The following ADGRL2 variants were observed in gnomAD, a reference collection of about 807,000 sequenced individuals.
ADGRL2 encodes the protein adhesion G protein-coupled receptor L2.
ADGRL2 carries 44 observed loss-of-function variants against 157.4 expected under a neutral mutation model. The ratio of observed to expected loss-of-function variants is 0.28; its 90% confidence interval spans 0.22 to 0.36. ADGRL2 has a LOEUF of 0.36. Ranked by LOEUF, ADGRL2 falls within the 10% of genes least tolerant of loss-of-function variation. The pLI is 1.00. For missense variants in ADGRL2, 1,510 were observed against 1,768.9 expected (o/e 0.85, Z 2.63); for synonymous variants, 585 against 624.7 (o/e 0.94, Z 0.95).
intron 3 of ADGRL2, chr1:81,580,990 C>T (rs2080895585): frequency 1.3e-5 from 2 of 152,152 alleles, no homozygotes; most frequent in African/African-American, 2.4e-5. Flanking sequence ...TGTGAGTGAA[C>T]ATTCCTTCCA....
At chr1:81,911,214 G>A (rs1172604833) in intron 3 of ADGRL2, among the ~76,000 whole-genome samples, 2 of 152,002 alleles carry the variant, frequency 1.3e-5, no homozygotes, top group Admixed American at 6.6e-5. Context: ...TATTCTGAGA[G>A]GCTCATCCTA....
Position 81,950,208 on chromosome 1 carries a change from A to G in ADGRL2, c.1230A>G (p.Thr410=). The change falls in exon 7 of 24, where the codon ACA becomes ACG. Residue 410 remains threonine, a synonymous_variant. Transcript: ENST00000686636. ...DPAQVPTTAV[T]ITSSAELFKT... ...CCATAGTGCCTACCACAGCTGTGAC[A>G]ATAACTTCTTCAGCTGAGCTGTTCA... 5.6e-6 allele frequency: 9 copies of G among 1,613,928 alleles called. No individual in the cohort carries two copies. The highest frequency in any genetic ancestry group is 7.6e-6 in the Non-Finnish European group (9 of 1,179,866).
chr1:81,460,315 A>G (rs371069177), intron 2 of ADGRL2, among the ~76,000 whole-genome samples: 1 of 151,912 alleles, frequency 6.6e-6, no homozygotes, highest in Admixed American at 6.6e-5. Flanking sequence ...TGATATCTCC[A>G]GAATATTATT....
chr1:81,508,021 T>C (rs2079009983), intron 2 of ADGRL2, among the ~76,000 whole-genome samples: 1 of 152,252 alleles, frequency 6.6e-6, no homozygotes, highest in Non-Finnish European at 1.5e-5. Context: ...GCCTTTTATT[T>C]GCTATTTAAC....
At chr1:81,932,508 G>GT (rs2095247702) in intron 3 of ADGRL2, among the ~76,000 whole-genome samples, 1 of 152,100 alleles carries the variant, frequency 6.6e-6, no homozygotes, top group African/African-American at 2.4e-5. Context: ...GCAAAATCAT[G>GT]TTTTGCCATT....
At position 81,842,375 on chromosome 1, in the gene ADGRL2, T is replaced by TC. The variant is rs1380656471; in HGVS notation, c.73+5318_73+5319insC. On this transcript the variant is annotated intron_variant, in intron 2 of 23. Coordinates refer to ENST00000686636, the MANE Select transcript of ADGRL2 (RefSeq NM_001366006.2). ...GCGCTTTTTTTTTTTTTTTTTTTTT[T>TC]AAGATGGAGTCTCACTCTGTCTCCC... is the stretch of plus-strand genomic sequence containing the variant. 2.2e-5 allele frequency among the ~76,000 whole-genome samples: 3 copies of TC among 139,332 alleles called. No individual in the cohort carries two copies. The South Asian group carries it at 6.8e-4, about 32-fold the overall frequency. 91.4% of individuals were successfully genotyped at this position (139,332 alleles called of 152,430 possible).
intron 1 of ADGRL2, among the ~76,000 whole-genome samples, chr1:81,354,118 G>A (rs1033397545): frequency 6.6e-6 from 1 of 152,136 alleles, no homozygotes; most frequent in African/African-American, 2.4e-5. Context: ...AGCAGACTTG[G>A]AGTCTAATTT....
At chr1:81,369,100 A>G (rs2076117447) in intron 1 of ADGRL2, among the ~76,000 whole-genome samples, 1 of 148,168 alleles carries the variant, frequency 6.7e-6, no homozygotes, top group African/African-American at 2.4e-5. Context: ...ATAATAAGAG[A>G]AAATAAATGT....
chr1:81,774,629 A>G (rs1354864498), intron 2 of ADGRL2, among the ~76,000 whole-genome samples: 1 of 152,116 alleles, frequency 6.6e-6, no homozygotes, highest in Non-Finnish European at 1.5e-5. Context: ...TCTTTTTATT[A>G]ATAATCATGT....
In ADGRL2 at chr1:81,991,003, T is replaced by C. The variant is rs1403746832; in HGVS notation, c.4268T>C (p.Leu1423Pro). Residue 1423 changes from leucine to proline, a missense_variant, in exon 24 of 24, where the codon CTT (leucine) becomes CCT (proline). Physicochemically the swap from Leu to Pro is moderately conservative, Grantham distance 98. Coordinates refer to ENST00000686636, the MANE Select transcript of ADGRL2 (RefSeq NM_001366006.2). The part of the protein sequence containing the change: ...EDIYYKSMPN[L>P]GAGHQLQMCY... ...ATTTACTATAAAAGCATGCCAAATC[T>C]TGGAGCTGGCCATCAGCTTCAGATG... The C allele has an allele frequency of 7.4e-6, 12 of 1,613,890 alleles. No homozygotes were observed. Among genetic ancestry groups the C allele is most frequent in the African/African-American group, 1.3e-5 (1 of 74,892 alleles).
At chr1:81,448,112 CTTTTCTTTTTCT>C (rs1185753884) in intron 2 of ADGRL2, among the ~76,000 whole-genome samples, 2 of 141,516 alleles carry the variant, frequency 1.4e-5, no homozygotes, top group Non-Finnish European at 3.1e-5. Flanking sequence ...AATTAAACCT[CTTTTCTTTTTCT>C]TTTTCTTTCT....
intron 3 of ADGRL2, among the ~76,000 whole-genome samples, chr1:81,655,381 G>A (rs1163322529): frequency 2.0e-5 from 3 of 152,044 alleles, no homozygotes; most frequent in African/African-American, 7.2e-5. Flanking sequence ...TAAGTCAATT[G>A]CCCCTGTTCA....
In ADGRL2 at chr1:81,600,839, A is replaced by G. The variant is rs113454130; in HGVS notation, c.-143+19859A>G. 8.4e-3 allele frequency among the ~76,000 whole-genome samples: 1,286 copies of G among 152,342 alleles called. 30 individuals carry two copies. Among genetic ancestry groups the G allele is most frequent in the African/African-American group, 0.029 (1,216 of 41,578 alleles). Reference sequence around the variant, plus strand: ...CTTTGATTTACTTAAAAACCTGGAGATAGAATATCAGTTTGGCTACCTTGC... The same window carrying G: ...CTTTGATTTACTTAAAAACCTGGAGGTAGAATATCAGTTTGGCTACCTTGC... On this transcript the variant is annotated intron_variant, in intron 3 of 24. Coordinates refer to the ADGRL2 transcript ENST00000370721.
At chr1:81,759,615 A>G (rs922848353) in intron 1 of ADGRL2, among the ~76,000 whole-genome samples, 6 of 152,158 alleles carry the variant, frequency 3.9e-5, no homozygotes, top group African/African-American at 1.4e-4. Context: ...GATTTGTCCA[A>G]CAATGTAGAT....
intron 2 of ADGRL2, among the ~76,000 whole-genome samples, chr1:81,776,775 A>G (rs1323816636): frequency 6.6e-6 from 1 of 152,180 alleles, no homozygotes; most frequent in Non-Finnish European, 1.5e-5. Context: ...AACTGGAGAA[A>G]GATTGACCTG....
At chr1:81,881,368 G>A (rs2093982921) in intron 2 of ADGRL2, among the ~76,000 whole-genome samples, 2 of 152,114 alleles carry the variant, frequency 1.3e-5, no homozygotes, top group Admixed American at 1.3e-4. Flanking sequence ...AGTAGAAACG[G>A]GGTTTCACCA....
At chr1:81,879,419 A>G (rs1302527915) in intron 2 of ADGRL2, among the ~76,000 whole-genome samples, 1 of 151,990 alleles carries the variant, frequency 6.6e-6, no homozygotes, top group Non-Finnish European at 1.5e-5. Flanking sequence ...CATTTCCTTG[A>G]CTAGAACAGT....
intron 2 of ADGRL2, among the ~76,000 whole-genome samples, chr1:81,463,588 T>A (rs992856479): frequency 6.6e-6 from 1 of 152,204 alleles, no homozygotes; most frequent in African/African-American, 2.4e-5. Context: ...CTTTCACTCC[T>A]CAGTGGACTT....
chr1:81,585,829 A>C (rs1320695997), intron 3 of ADGRL2: 4 of 152,008 alleles, frequency 2.6e-5, no homozygotes, highest in Non-Finnish European at 4.4e-5. Flanking sequence ...TTACAACTTC[A>C]TTTTCACACT....
Sources: gnomAD v4.1 joint callset for allele counts (sites outside exome capture counted in the v4.1 genomes callset) on GRCh38, gnomAD v4.1.1 for gene constraint, MANE v1.5 for transcripts, NCBI Gene and HGNC (gene_info 2026-07-23, HGNC 2026-07-21) for gene names.